The following SV2B variants were observed in gnomAD, a reference collection of about 807,000 sequenced individuals.
The protein encoded by SV2B is synaptic vesicle glycoprotein 2B, also known as solute carrier family 22 member B2.
A neutral mutation model predicts 73.9 loss-of-function variants in SV2B; 41 were observed. That is an observed-to-expected ratio of 0.56 (90% CI 0.43 to 0.72). The LOEUF (loss-of-function observed/expected upper bound fraction) is 0.72. Ranked by LOEUF, SV2B falls within the 30% of genes least tolerant of loss-of-function variation. SV2B has a pLI of 0.00. For missense variants in SV2B, 764 were observed against 857.8 expected (o/e 0.89, Z 1.37); for synonymous variants, 314 against 314.2 (o/e 1.00, Z 0.01).
Position 91,128,489 on chromosome 15 carries a change from G to A in SV2B, c.-392+28126G>A, listed in dbSNP as rs921183959. ...TCAGAAAACAATATCCAAAAATGAAGGCCTCAGAAGCGAAAGTGTTTTTCT... is the reference window on the plus strand; with the variant it reads ...TCAGAAAACAATATCCAAAAATGAAAGCCTCAGAAGCGAAAGTGTTTTTCT... On this transcript the variant is annotated intron_variant, in intron 1 of 12. Transcript: ENST00000394232. The surrounding 1 kb of genome is among the most constrained non-coding windows in gnomAD (Gnocchi z 4.2). Among the ~76,000 whole-genome samples the A allele has an allele frequency of 6.6e-6, 1 of 152,102 alleles. No homozygotes were observed. Among genetic ancestry groups the A allele is most frequent in the African/African-American group, 2.4e-5 (1 of 41,394 alleles).
chr15:91,152,957 T>G (rs932643916), intron 1 of SV2B, among the ~76,000 whole-genome samples: 10 of 152,306 alleles, frequency 6.6e-5, no homozygotes, highest in Admixed American at 6.5e-4. Context: ...GAGTCCATGA[T>G]CATGGTGTCA....
rs149388190 is a variant in SV2B, at chr15:91,189,124, C to T, written c.-391-36749C>T. Among the ~76,000 whole-genome samples, 81 of 152,220 alleles carry T rather than the reference C, an allele frequency of 5.3e-4. 1 individual carries two copies. The highest frequency in any genetic ancestry group is 9.4e-4 in the Non-Finnish European group (64 of 68,004). On this transcript the variant is annotated intron_variant, in intron 1 of 12. Coordinates refer to ENST00000394232, the MANE Select transcript of SV2B (RefSeq NM_001323032.3). ...TACAGGAATGAGCACGGCTGTACGTCCTATTTTCTACCTCAGTTTTTTTTC... is the reference window on the plus strand; with the variant it reads ...TACAGGAATGAGCACGGCTGTACGTTCTATTTTCTACCTCAGTTTTTTTTC...
At chr15:91,266,755 A>C in intron 7 of SV2B, 63 bp downstream of exon 7, 1 of 1,350,458 alleles carries the variant, frequency 7.4e-7, no homozygotes, top group Middle Eastern at 1.8e-4. Flanking sequence ...ACCTTAGTGG[A>C]TGAAAAATGC....
chr15:91,218,089 C>A (rs1041518039), intron 1 of SV2B, among the ~76,000 whole-genome samples: 1 of 152,182 alleles, frequency 6.6e-6, no homozygotes, highest in Non-Finnish European at 1.5e-5. Context: ...GAGAAAAGCA[C>A]ACAAATTTAT....
chr15:91,191,898 A>G (rs901838118), intron 1 of SV2B, among the ~76,000 whole-genome samples: 6 of 152,154 alleles, frequency 3.9e-5, no homozygotes, highest in South Asian at 2.1e-4. Flanking sequence ...CATCTTTTAT[A>G]AAGATTTTTC....
At chr15:91,113,258 G>A (rs77521015) in intron 1 of SV2B, among the ~76,000 whole-genome samples, 2,236 of 152,330 alleles carry the variant, frequency 0.015, 24 homozygotes, top group Non-Finnish European at 0.025. Context: ...GCGTGGCCAC[G>A]TAACAGTTTT....
rs1412809470 is a variant in SV2B, at chr15:91,300,004, T to C, written c.*7452T>C. 6.6e-6 allele frequency: 1 copy of C among 152,022 alleles called. No individual in the cohort carries two copies. The highest frequency in any genetic ancestry group is 1.5e-5 in the Non-Finnish European group (1 of 68,034). The allele number at this position is 152,022 out of a possible 1,614,324, so 9.4% of individuals were successfully genotyped here. The stretch of plus-strand genomic sequence containing the variant: ...TGGAGATATTTTTGACATGTAAAAG[T>C]AGAAAACAAACCATCCATAGTGTGT... On this transcript the variant is annotated 3_prime_UTR_variant, in exon 13 of 13. Coordinates refer to ENST00000394232, the MANE Select transcript of SV2B (RefSeq NM_001323032.3).
intron 1 of SV2B, among the ~76,000 whole-genome samples, chr15:91,198,600 G>A (rs1195878529): frequency 6.6e-6 from 1 of 152,096 alleles, no homozygotes; most frequent in East Asian, 1.9e-4. Context: ...ATTTAAATGA[G>A]ATGCAGAATA....
In SV2B at chr15:91,267,393, G is replaced by T. The variant is rs1419078307; in HGVS notation, c.1120-162G>T. Among the ~76,000 whole-genome samples the T allele has an allele frequency of 6.6e-6, 1 of 152,190 alleles. No homozygotes were observed. Among genetic ancestry groups the T allele is most frequent in the East Asian group, 1.9e-4 (1 of 5,204 alleles). On this transcript the variant is annotated intron_variant, in intron 7 of 12. Coordinates refer to ENST00000394232, the MANE Select transcript of SV2B (RefSeq NM_001323032.3). This position sits in a 1 kb window ranked among gnomAD's most constrained non-coding sequence, Gnocchi z 4.3. ...AGTAGGAAGAGAAGAGGCTTTCCTT[G>T]TTATTTGGACAGTTTTGCTGCCTCT...
At chr15:91,192,812 C>G (rs62025252) in intron 1 of SV2B, among the ~76,000 whole-genome samples, 32 of 152,170 alleles carry the variant, frequency 2.1e-4, no homozygotes, top group Non-Finnish European at 4.4e-4. Flanking sequence ...ACGATGCAGA[C>G]CTTAGGGACT....
rs1177448416 is a variant in SV2B, at chr15:91,283,004, A to G, written c.1508-1017A>G. Among the ~76,000 whole-genome samples the G allele has an allele frequency of 6.6e-6, 1 of 152,158 alleles. No individual in the cohort carries two copies. The highest frequency in any genetic ancestry group is 1.5e-5 in the Non-Finnish European group (1 of 68,022). ...ACTCTTACCATGGAGATTCTTGCAAACACGTGTAGTCAGGAAATGTCAGAG... is the reference window on the plus strand; with the variant it reads ...ACTCTTACCATGGAGATTCTTGCAAGCACGTGTAGTCAGGAAATGTCAGAG... On this transcript the variant is annotated intron_variant, in intron 10 of 12. Coordinates refer to ENST00000394232, the MANE Select transcript of SV2B (RefSeq NM_001323032.3). The surrounding 1 kb of genome is among the most constrained non-coding windows in gnomAD (Gnocchi z 4.3).
At chr15:91,248,625 C>T (rs913588475) in intron 2 of SV2B, among the ~76,000 whole-genome samples, 1 of 152,160 alleles carries the variant, frequency 6.6e-6, no homozygotes, top group African/African-American at 2.4e-5. Flanking sequence ...CCTGGATTCT[C>T]ATCATTATTT....
chr15:91,256,447 C>T (rs577435091), intron 4 of SV2B, among the ~76,000 whole-genome samples: 1 of 152,264 alleles, frequency 6.6e-6, no homozygotes, highest in African/African-American at 2.4e-5. Flanking sequence ...ATGACTGCTT[C>T]TGCCCCTCTT....
intron 1 of SV2B, among the ~76,000 whole-genome samples, chr15:91,185,960 C>A (rs986245456): frequency 2.0e-5 from 3 of 152,240 alleles, no homozygotes; most frequent in African/African-American, 7.2e-5. Context: ...AGATCCTCTT[C>A]TAAGATGGGC....
At position 91,266,748 on chromosome 15, in the gene SV2B, T is replaced by C. The variant is rs1387648219; in HGVS notation, c.1119+56T>C. On this transcript the variant is annotated intron_variant, in intron 7 of 12. Coordinates refer to ENST00000394232, the MANE Select transcript of SV2B (RefSeq NM_001323032.3). ...TGCGTCTCTATGGGAGTCTCTTACC[T>C]TAGTGGATGAAAAATGCAGCTCCTG... 4 of 1,383,360 alleles carry C rather than the reference T, an allele frequency of 2.9e-6. No individual in the cohort carries two copies. In the African/African-American group the frequency reaches 5.8e-5, roughly 20 times the overall value. 85.7% of individuals were successfully genotyped at this position (1,383,360 alleles called of 1,614,324 possible).
chr15:91,205,906 T>G (rs183818849), intron 1 of SV2B, among the ~76,000 whole-genome samples: 1 of 152,260 alleles, frequency 6.6e-6, no homozygotes, highest in Admixed American at 6.5e-5. Flanking sequence ...GAAAAACAGC[T>G]GTGTTAGGTG....
intron 6 of SV2B, among the ~76,000 whole-genome samples, chr15:91,264,400 C>T (rs972596449): frequency 6.6e-6 from 1 of 152,182 alleles, no homozygotes; most frequent in Non-Finnish European, 1.5e-5. Context: ...CTAAGGAGCA[C>T]GAGGGAGAGG....
At chr15:91,260,469 C>A in intron 6 of SV2B, 60 bp downstream of exon 6, 1 of 1,361,716 alleles carries the variant, frequency 7.3e-7, no homozygotes, top group Non-Finnish European at 1.0e-6. Flanking sequence ...CTTTGATTTA[C>A]TAAAAAGTAA....
rs1019931154 is a variant in SV2B at position 91,245,394 on chromosome 15, A to G, written c.452-6425A>G. On this transcript the variant is annotated intron_variant, in intron 2 of 12. Transcript: ENST00000394232. This position sits in a 1 kb window ranked among gnomAD's most constrained non-coding sequence, Gnocchi z 4.2. ...AAGCTTTCGAGACAGAAAGATTTCT[A>G]TCGTGTAAATACAGTATGTAGTTAT... 3.3e-5 allele frequency among the ~76,000 whole-genome samples: 5 copies of G among 152,382 alleles called. No homozygotes were observed. The highest frequency in any genetic ancestry group is 1.3e-4 in the Admixed American group (2 of 15,306).
Sources: gnomAD v4.1 joint callset for allele counts (sites outside exome capture counted in the v4.1 genomes callset) on GRCh38, gnomAD v4.1.1 for gene constraint, Gnocchi (gnomAD v3.1) non-coding constraint, MANE v1.5 for transcripts, NCBI Gene and HGNC (gene_info 2026-07-23, HGNC 2026-07-21) for gene names.